Variants in CCSER1 observed in about 807,000 individuals in gnomAD.
The protein encoded by CCSER1 is coiled-coil serine rich protein 1, also known as serine-rich coiled-coil domain-containing protein 1.
CCSER1 carries 41 observed loss-of-function variants against 82.0 expected under a neutral mutation model. The observed-to-expected ratio is 0.50, with a 90% CI of 0.39 to 0.65. The LOEUF (loss-of-function observed/expected upper bound fraction) is 0.65, where lower values mean the gene tolerates loss of function less well. Ranked by LOEUF, CCSER1 falls within the 30% of genes least tolerant of loss-of-function variation. The pLI is 0.00. For missense variants in CCSER1, 1,119 were observed against 1,064.2 expected, an observed-to-expected ratio of 1.05 and a Z score of -0.72; for synonymous variants, 414 against 383.9, an observed-to-expected ratio of 1.08 and a Z score of -0.92.
At chr4:91,493,221 CACAT>C (rs1439590641) in intron 10 of CCSER1, among the ~76,000 whole-genome samples, 1 of 150,568 alleles carries the variant, frequency 6.6e-6, no homozygotes, top group African/African-American at 2.5e-5. Flanking sequence ...GATTTATACA[CACAT>C]ATTCTCTCTC....
chr4:91,451,730 T>TA (rs575624082), intron 10 of CCSER1, among the ~76,000 whole-genome samples: 8 of 151,876 alleles, frequency 5.3e-5, no homozygotes, highest in Admixed American at 1.3e-4. Flanking sequence ...ATGTTTGAGA[T>TA]AAAAAAATAC....
intron 10 of CCSER1, among the ~76,000 whole-genome samples, chr4:91,329,747 C>T (rs143811214): frequency 6.9e-4 from 105 of 152,242 alleles, no homozygotes; most frequent in African/African-American, 2.2e-3. Context: ...ATCTAATTAC[C>T]TGCCATGAAC....
chr4:90,830,986 C>G (rs1176952128), intron 8 of CCSER1, among the ~76,000 whole-genome samples: 1 of 152,056 alleles, frequency 6.6e-6, no homozygotes, highest in African/African-American at 2.4e-5. Flanking sequence ...CTGTATTCCA[C>G]TTACTGTTCC....
chr4:90,541,088 A>G (rs950483075), intron 5 of CCSER1, among the ~76,000 whole-genome samples: 5 of 152,068 alleles, frequency 3.3e-5, no homozygotes, highest in African/African-American at 1.2e-4. Context: ...AGTTGTAGAT[A>G]CTGGCTTTAC....
chr4:90,617,923 C>A (rs2148861398), intron 5 of CCSER1, among the ~76,000 whole-genome samples: 1 of 152,042 alleles, frequency 6.6e-6, no homozygotes, highest in Middle Eastern at 3.4e-3. Flanking sequence ...TTATGTTTTT[C>A]ATTCCTTATT....
intron 1 of CCSER1, among the ~76,000 whole-genome samples, chr4:90,209,643 T>C (rs949896788): frequency 6.6e-6 from 1 of 152,198 alleles, no homozygotes; most frequent in Non-Finnish European, 1.5e-5. Context: ...ATAACATGTT[T>C]TCTGTGTGTG....
At chr4:90,442,714 G>A (rs746028992) in intron 4 of CCSER1, among the ~76,000 whole-genome samples, 14 of 152,148 alleles carry the variant, frequency 9.2e-5, no homozygotes, top group Non-Finnish European at 1.9e-4. Flanking sequence ...CTCCTGATAA[G>A]TAATCTGTTA....
chr4:90,957,544 T>C (rs1452032231), intron 9 of CCSER1, among the ~76,000 whole-genome samples: 99 of 122,048 alleles, frequency 8.1e-4, no homozygotes, highest in African/African-American at 3.5e-3. Flanking sequence ...ATATATTATA[T>C]AATTATATTA....
intron 1 of CCSER1, among the ~76,000 whole-genome samples, chr4:90,183,636 T>C (rs929381787): frequency 1.1e-4 from 16 of 152,162 alleles, no homozygotes; most frequent in Non-Finnish European, 1.5e-5. Flanking sequence ...TCTGAAAAGG[T>C]ACTCACTCAG....
At chr4:90,264,481 A>G (rs888316461) in intron 1 of CCSER1, among the ~76,000 whole-genome samples, 1 of 152,194 alleles carries the variant, frequency 6.6e-6, no homozygotes, top group Non-Finnish European at 1.5e-5. Flanking sequence ...TTTTCATATT[A>G]GGATCATTTA....
At chr4:91,560,277 T>C (rs1238820097) in intron 10 of CCSER1, among the ~76,000 whole-genome samples, 1 of 113,628 alleles carries the variant, frequency 8.8e-6, no homozygotes, top group Non-Finnish European at 1.9e-5. Flanking sequence ...TGCACTATTG[T>C]TGAAGCAGTT....
At chr4:91,293,636 C>A (rs1743923743) in intron 10 of CCSER1, among the ~76,000 whole-genome samples, 1 of 151,858 alleles carries the variant, frequency 6.6e-6, no homozygotes, top group African/African-American at 2.4e-5. Context: ...TGAAGTAGTT[C>A]TACATTTTAT....
chr4:91,159,217 C>T (rs1731131603), intron 10 of CCSER1, among the ~76,000 whole-genome samples: 1 of 151,918 alleles, frequency 6.6e-6, no homozygotes, highest in Admixed American at 6.6e-5. Context: ...AATACTATTT[C>T]TTCTGATTAG....
chr4:90,693,631 G>A (rs555359892), intron 6 of CCSER1: 40 of 152,020 alleles, frequency 2.6e-4, no homozygotes, highest in African/African-American at 9.1e-4. Context: ...GTATTATGTG[G>A]TAGTCACAGA....
intron 10 of CCSER1, among the ~76,000 whole-genome samples, chr4:91,261,633 A>G (rs920435358): frequency 8.5e-5 from 13 of 152,226 alleles, no homozygotes; most frequent in Non-Finnish European, 1.8e-4. Context: ...TAAATGAGAT[A>G]TACAGAATAG....
intron 1 of CCSER1, among the ~76,000 whole-genome samples, chr4:90,223,000 GT>G (rs1177059548): frequency 1.3e-5 from 2 of 152,088 alleles, no homozygotes; most frequent in Non-Finnish European, 2.9e-5. Flanking sequence ...GTTCTATACA[GT>G]TTTTCACATA....
chr4:90,399,890 C>T (rs1316298820), intron 3 of CCSER1, 146 bp from the exon 4 acceptor site: 1 of 489,372 alleles, frequency 2.0e-6, no homozygotes, highest in Non-Finnish European at 3.7e-6. Context: ...TTTTAAAGCC[C>T]ATAGGTGTCA....
intron 1 of CCSER1, among the ~76,000 whole-genome samples, chr4:90,225,705 G>C (rs557427795): frequency 1.3e-5 from 2 of 152,260 alleles, no homozygotes; most frequent in East Asian, 1.9e-4. Context: ...TACTTGCTCT[G>C]TCTGGGCCAT....
Position 91,116,355 on chromosome 4 carries a change from T to C in CCSER1, c.2217+30361T>C, listed in dbSNP as rs376399066. Reference sequence around the variant, plus strand: ...AATCCAGGAACTCACAGTGTGCCGCTTGCAAGCTCTGATTTAGTAAAAGAG... The same window carrying C: ...AATCCAGGAACTCACAGTGTGCCGCCTGCAAGCTCTGATTTAGTAAAAGAG... On this transcript the variant is annotated intron_variant, in intron 10 of 10. Coordinates refer to ENST00000509176, the MANE Select transcript of CCSER1 (RefSeq NM_001145065.2). Among the ~76,000 whole-genome samples, 81 of 152,284 alleles carry C rather than the reference T, an allele frequency of 5.3e-4. 1 individual carries two copies. In the South Asian group the frequency reaches 0.011, roughly 21 times the overall value.
Sources: allele counts gnomAD v4.1 joint callset (sites outside exome capture counted in the v4.1 genomes callset), GRCh38; gene constraint gnomAD v4.1.1; transcripts MANE v1.5; gene names NCBI Gene and HGNC (gene_info 2026-07-23, HGNC 2026-07-21).